Variants in RAP1A observed in about 807,000 individuals in gnomAD.
RAP1A encodes RAP1A, member of RAS oncogene family.
A neutral mutation model predicts 26.4 loss-of-function variants in RAP1A; 6 were observed. The observed-to-expected ratio is 0.23, with a 90% CI of 0.12 to 0.45. The LOEUF is 0.45. Among genes scored for constraint, RAP1A ranks in the 20% least tolerant of loss-of-function variants. RAP1A has a pLI of 0.99. For missense variants in RAP1A, 121 were observed against 217.2 expected (o/e 0.56, Z 2.78); for synonymous variants, 73 against 79.4 (o/e 0.92, Z 0.43).
chr1:111,694,143 C>T (rs772129549), intron 2 of RAP1A, among the ~76,000 whole-genome samples: 3 of 152,154 alleles, frequency 2.0e-5, no homozygotes, highest in Non-Finnish European at 4.4e-5. Flanking sequence ...CTGCCTTGGC[C>T]TCCTAAAGTG....
At chr1:111,648,971 G>T (rs538351913) in intron 1 of RAP1A, 2 of 647,030 alleles carry the variant, frequency 3.1e-6, no homozygotes, top group African/African-American at 3.6e-5. Context: ...TGAGAGCCTC[G>T]ATCTCTGGCT....
At chr1:111,689,616 A>G (rs1661606503) in intron 1 of RAP1A, among the ~76,000 whole-genome samples, 1 of 152,004 alleles carries the variant, frequency 6.6e-6, no homozygotes, top group Admixed American at 6.6e-5. Context: ...CTCATTGGCT[A>G]ATTTCATCAT....
At chr1:111,696,228 G>T (rs1055769103) in intron 3 of RAP1A, among the ~76,000 whole-genome samples, 4 of 152,042 alleles carry the variant, frequency 2.6e-5, no homozygotes, top group African/African-American at 9.7e-5. Context: ...GTTATAAAAG[G>T]CTAGTAGCCA....
rs559146295 is a variant in RAP1A at position 111,714,430 on chromosome 1, GTTAT to G, written c.*2033_*2036del. The G allele has an allele frequency of 1.3e-5, 2 of 152,152 alleles. No individual in the cohort carries two copies. The highest frequency in any genetic ancestry group is 2.9e-5 in the Non-Finnish European group (2 of 68,034). The allele number at this position is 152,152 out of a possible 1,614,324, so 9.4% of individuals were successfully genotyped here. ...ACTACCTTGTCACATCTATTGTGTA[GTTAT>G]TTAACAGATTAAATAGAAGTCATTT... On this transcript the variant is annotated 3_prime_UTR_variant, in exon 8 of 8. Transcript: ENST00000369709.
chr1:111,691,249 C>T, intron 1 of RAP1A, 85 bp from the exon 2 acceptor site: 1 of 902,022 alleles, frequency 1.1e-6, no homozygotes. Flanking sequence ...AAAAACAAAA[C>T]AAACTCCTAT....
intron 1 of RAP1A, among the ~76,000 whole-genome samples, chr1:111,570,249 C>G (rs1033846399): frequency 3.9e-5 from 6 of 152,072 alleles, no homozygotes; most frequent in African/African-American, 1.4e-4. Context: ...TTTCACAGTC[C>G]TATTGTCTGT....
At chr1:111,572,560 T>G (rs972286976) in intron 1 of RAP1A, among the ~76,000 whole-genome samples, 2 of 152,224 alleles carry the variant, frequency 1.3e-5, no homozygotes, top group African/African-American at 4.8e-5. Flanking sequence ...GAGACAGGCC[T>G]GGGTGAAGCC....
At chr1:111,626,651 C>T (rs1659411794) in intron 1 of RAP1A, among the ~76,000 whole-genome samples, 2 of 152,182 alleles carry the variant, frequency 1.3e-5, no homozygotes, top group African/African-American at 4.8e-5. Context: ...ATCCTCTTCT[C>T]TCCCGACCTA....
chr1:111,654,420 A>G (rs567414492), intron 1 of RAP1A, among the ~76,000 whole-genome samples: 15 of 152,320 alleles, frequency 9.8e-5, no homozygotes, highest in African/African-American at 3.1e-4. Context: ...GAAAGAGGCC[A>G]TATAATAGAG....
intron 1 of RAP1A, among the ~76,000 whole-genome samples, chr1:111,589,621 C>G (rs1383334995): frequency 6.6e-6 from 1 of 152,210 alleles, no homozygotes; most frequent in East Asian, 1.9e-4. Context: ...TGTTTAAATA[C>G]TAAGTCCAAC....
At chr1:111,605,055 T>A (rs1399632770) in intron 1 of RAP1A, among the ~76,000 whole-genome samples, 1 of 152,098 alleles carries the variant, frequency 6.6e-6, no homozygotes, top group Non-Finnish European at 1.5e-5. Flanking sequence ...ACTGAAGTGG[T>A]TTCCAAGATT....
intron 1 of RAP1A, among the ~76,000 whole-genome samples, chr1:111,585,758 T>C (rs1203891437): frequency 6.6e-6 from 1 of 152,206 alleles, no homozygotes; most frequent in East Asian, 1.9e-4. Context: ...TAGAGAGTTC[T>C]AGGATGTGAG....
At position 111,713,983 on chromosome 1, in the gene RAP1A, T is replaced by C. The variant is rs1662460743; in HGVS notation, c.*1582T>C. On this transcript the variant is annotated 3_prime_UTR_variant, in exon 8 of 8. Coordinates refer to ENST00000369709, the MANE Select transcript of RAP1A (RefSeq NM_002884.4). ...TCTCTAGATACTGTCTCTTTGCAAC[T>C]AGGTATGAAGAAGTGTTCATGCCTT... The C allele has an allele frequency of 6.6e-6, 1 of 152,226 alleles. No individual in the cohort carries two copies. The highest frequency in any genetic ancestry group is 6.5e-5 in the Admixed American group (1 of 15,284). 9.4% of individuals were successfully genotyped at this position (152,226 alleles called of 1,614,324 possible). A position where few individuals can be genotyped will look rare whatever the true frequency, so the allele number is the denominator to read the frequency against.
chr1:111,642,629 A>G (rs1432429799), intron 1 of RAP1A, among the ~76,000 whole-genome samples: 2 of 151,896 alleles, frequency 1.3e-5, no homozygotes, highest in Non-Finnish European at 2.9e-5. Context: ...CTGGGACTAC[A>G]GGCGCCTGCC....
In RAP1A at chr1:111,642,539, G is replaced by C. The variant is rs1255481816; in HGVS notation, c.-28+22605G>C. Reference sequence around the variant, plus strand: ...GTGTCTCACTGTCTCCCAGGCTAGAGTTCAGTGGCACTATCTTAGCTCACT... The same window carrying C: ...GTGTCTCACTGTCTCCCAGGCTAGACTTCAGTGGCACTATCTTAGCTCACT... On this transcript the variant is annotated intron_variant, in intron 1 of 7. Transcript: ENST00000369709. 3.3e-5 allele frequency among the ~76,000 whole-genome samples: 5 copies of C among 150,558 alleles called. No individual in the cohort carries two copies. The East Asian group carries it at 5.9e-4, about 18-fold the overall frequency.
chr1:111,625,413 A>T (rs1265008793), intron 1 of RAP1A, among the ~76,000 whole-genome samples: 1 of 152,186 alleles, frequency 6.6e-6, no homozygotes, highest in Non-Finnish European at 1.5e-5. Flanking sequence ...GACATATCCC[A>T]AATGCAGTTT....
intron 1 of RAP1A, among the ~76,000 whole-genome samples, chr1:111,543,830 G>A (rs1656937038): frequency 6.6e-6 from 1 of 152,104 alleles, no homozygotes; most frequent in Non-Finnish European, 1.5e-5. Flanking sequence ...ATCCCAGGGT[G>A]GGCCATTTTG....
chr1:111,688,822 G>GTTTTTTTTTTTTTTTTTTTTTTTTTTT (rs767753356), intron 1 of RAP1A, among the ~76,000 whole-genome samples: 8 of 90,098 alleles, frequency 8.9e-5, no homozygotes, highest in Admixed American at 2.4e-4. Context: ...TTTTTTTTTT[G>GTTTTTTTTTTTTTTTTTTTTTTTTTTT]TTTTTTTTTT....
intron 1 of RAP1A, among the ~76,000 whole-genome samples, chr1:111,660,608 C>T (rs1660603486): frequency 6.6e-6 from 1 of 152,166 alleles, no homozygotes; most frequent in Admixed American, 6.5e-5. Context: ...CCTTCCAGTT[C>T]TTCCTGATTC....
Sources: gnomAD v4.1 joint callset for allele counts (sites outside exome capture counted in the v4.1 genomes callset) on GRCh38, gnomAD v4.1.1 for gene constraint, MANE v1.5 for transcripts, NCBI Gene and HGNC (gene_info 2026-07-23, HGNC 2026-07-21) for gene names.